Variants in EMC3 observed in about 807,000 individuals in gnomAD.
EMC3 encodes the protein 30 kDa protein.
A neutral mutation model predicts 36.6 loss-of-function variants in EMC3; 13 were observed. That is an observed-to-expected ratio of 0.35 (90% CI 0.23 to 0.56). The LOEUF is 0.56. EMC3 is among the 20% of genes least tolerant of loss of function. EMC3 has a pLI of 0.84. For synonymous variants in EMC3, 120 were observed against 111.9 expected (o/e 1.07, Z -0.46); for missense variants, 220 against 324.5 (o/e 0.68, Z 2.47).
intron 1 of EMC3, among the ~76,000 whole-genome samples, chr3:9,998,793 G>T (rs1310412332): frequency 1.3e-5 from 2 of 152,120 alleles, no homozygotes; most frequent in Non-Finnish European, 2.9e-5. Context: ...GTCTCACTCT[G>T]TCACACAAGT....
At chr3:9,993,505 A>G (rs1301031221) in intron 1 of EMC3, among the ~76,000 whole-genome samples, 1 of 152,174 alleles carries the variant, frequency 6.6e-6, no homozygotes, top group Non-Finnish European at 1.5e-5. Context: ...ATATTTAGGA[A>G]TAGATTTAAT....
intron 1 of EMC3, chr3:9,993,132 G>T (rs2086075337): frequency 1.4e-5 from 9 of 664,970 alleles, no homozygotes; most frequent in Non-Finnish European, 2.7e-6. Flanking sequence ...TTTTATTTTT[G>T]CATTAACATT....
At chr3:9,982,104 C>T (rs2085917825) in intron 1 of EMC3, among the ~76,000 whole-genome samples, 3 of 151,766 alleles carry the variant, frequency 2.0e-5, no homozygotes, top group Admixed American at 2.0e-4. Context: ...GCGTGCACCA[C>T]CACCCCAGCT....
chr3:10,001,780 G>A (rs1444040709), intron 1 of EMC3, among the ~76,000 whole-genome samples: 6 of 152,072 alleles, frequency 3.9e-5, no homozygotes, highest in Middle Eastern at 3.2e-3. Flanking sequence ...GGCAGATCAC[G>A]AGTTCAGGAG....
At chr3:9,994,003 G>T (rs2086090695) in intron 1 of EMC3, among the ~76,000 whole-genome samples, 2 of 152,286 alleles carry the variant, frequency 1.3e-5, no homozygotes, top group South Asian at 2.1e-4. Context: ...GACTCCCATT[G>T]ATCCTGAGAG....
intron 1 of EMC3, 49 bp downstream of exon 1, chr3:9,986,458 C>T (rs970403216): frequency 1.9e-6 from 3 of 1,597,734 alleles, no homozygotes; most frequent in African/African-American, 1.3e-5. Flanking sequence ...CACTTTTTTG[C>T]CCAAGGTCAC....
upstream of EMC3, among the ~76,000 whole-genome samples, chr3:9,991,463 A>G (rs367620384): frequency 2.6e-4 from 39 of 152,286 alleles, no homozygotes; most frequent in South Asian, 1.5e-3. Flanking sequence ...CTACACATAT[A>G]TATGTTTATA....
At chr3:9,999,410 T>A (rs560875328) in intron 1 of EMC3, among the ~76,000 whole-genome samples, 7 of 152,070 alleles carry the variant, frequency 4.6e-5, no homozygotes, top group Non-Finnish European at 7.4e-5. Flanking sequence ...CCCAACTAAT[T>A]TTTGTATTTT....
chr3:9,970,504 C>G (rs1467660366), intron 6 of EMC3, 78 bp downstream of exon 6: 2 of 1,460,792 alleles, frequency 1.4e-6, no homozygotes, highest in African/African-American at 2.8e-5. Flanking sequence ...ACAGCACAAC[C>G]TACAAGACTT....
intron 1 of EMC3, among the ~76,000 whole-genome samples, chr3:9,982,886 TA>T (rs1257974737): frequency 3.4e-3 from 476 of 138,618 alleles, no homozygotes; most frequent in East Asian, 3.3e-3. Flanking sequence ...ACTTGTCACT[TA>T]AAAAAAAAAA....
chr3:9,987,356 C>T (rs2085989163), upstream of EMC3: 7 of 969,518 alleles, frequency 7.2e-6, no homozygotes, highest in Non-Finnish European at 8.6e-6. Context: ...GCGTTCTTCT[C>T]TGGGGCTCCG....
At chr3:9,975,715 G>A (rs1226268891) in intron 3 of EMC3, among the ~76,000 whole-genome samples, 5 of 151,550 alleles carry the variant, frequency 3.3e-5, no homozygotes, top group African/African-American at 1.2e-4. Flanking sequence ...TGGAGGCTGA[G>A]GCAGGAGAAT....
At chr3:9,977,295 C>G in intron 2 of EMC3, 94 bp downstream of exon 2, 1 of 1,241,558 alleles carries the variant, frequency 8.1e-7, no homozygotes, top group Non-Finnish European at 1.1e-6. Context: ...AGTTGCCAAC[C>G]TTTAGCTTTC....
At chr3:9,967,660 AT>A (rs748770279) in intron 7 of EMC3, among the ~76,000 whole-genome samples, 5 of 152,178 alleles carry the variant, frequency 3.3e-5, no homozygotes, top group Non-Finnish European at 7.3e-5. Flanking sequence ...AAGTTATTCA[AT>A]TTTGCCAACA....
intron 6 of EMC3, 115 bp downstream of exon 6, chr3:9,970,467 A>G: frequency 3.3e-6 from 4 of 1,197,614 alleles, no homozygotes; most frequent in Non-Finnish European, 3.7e-6. Context: ...TTAAGGAAGG[A>G]AACATTTTAT....
At chr3:10,007,652 G>A (rs1178494243) in intron 1 of EMC3, 9 of 1,354,394 alleles carry the variant, frequency 6.6e-6, no homozygotes, top group African/African-American at 1.5e-5. Flanking sequence ...GGTGGGAATG[G>A]GGGCTTTCAT....
rs557294392 is a variant in EMC3 at position 10,000,243 on chromosome 3, T to A, written c.-242+10780A>T. Among the ~76,000 whole-genome samples the A allele has an allele frequency of 2.0e-5, 3 of 152,254 alleles. No homozygotes were observed. The South Asian group carries it at 6.2e-4, about 32-fold the overall frequency. On this transcript the variant is annotated intron_variant, in intron 1 of 8. Coordinates refer to the EMC3 transcript ENST00000470827. Reference sequence around the variant, plus strand: ...TAGTAGAGACGGGGGTTTCACCATGTTGGCCAGGCTGGTCTCGAACTCCTG... The same window carrying A: ...TAGTAGAGACGGGGGTTTCACCATGATGGCCAGGCTGGTCTCGAACTCCTG...
intron 1 of EMC3, among the ~76,000 whole-genome samples, chr3:9,980,252 G>A (rs1343216264): frequency 2.6e-5 from 4 of 151,926 alleles, no homozygotes; most frequent in African/African-American, 9.7e-5. Context: ...GACATCAGAT[G>A]ATCCGCCTGC....
intron 7 of EMC3, among the ~76,000 whole-genome samples, chr3:9,965,427 TAG>T (rs1163615047): frequency 6.6e-6 from 1 of 150,630 alleles, no homozygotes; most frequent in South Asian, 2.1e-4. Context: ...GATAGATAGA[TAG>T]ATAGATAGAT....
Sources: allele counts gnomAD v4.1 joint callset (sites outside exome capture counted in the v4.1 genomes callset), GRCh38; gene constraint gnomAD v4.1.1; transcripts MANE v1.5; gene names NCBI Gene and HGNC (gene_info 2026-07-23, HGNC 2026-07-21).